The following MYO18A variants were observed in gnomAD, a reference collection of about 807,000 sequenced individuals.
MYO18A encodes unconventional myosin-XVIIIa.
In MYO18A, 78 loss-of-function variants were observed where a neutral mutation model predicts 235.8. The observed-to-expected ratio is 0.33, with a 90% CI of 0.28 to 0.40. The LOEUF (loss-of-function observed/expected upper bound fraction) is 0.40. MYO18A is among the 10% of genes least tolerant of loss of function. The pLI is 1.00. For missense variants in MYO18A, 2,215 were observed against 2,699.3 expected (o/e 0.82, Z 3.98); for synonymous variants, 977 against 1,077.8 (o/e 0.91, Z 1.83).
At position 29,136,235 on chromosome 17, in the gene MYO18A, GA is replaced by G. The variant is rs1181249964; in HGVS notation, c.1000-13983del. Among the ~76,000 whole-genome samples the G allele has an allele frequency of 6.5e-3, 684 of 105,278 alleles. 5 individuals are homozygous for G. The highest frequency in any genetic ancestry group is 0.02 in the Middle Eastern group (4 of 196). The allele number at this position is 105,278 out of a possible 152,430, so 69.1% of individuals were successfully genotyped here. A position where few individuals can be genotyped will look rare whatever the true frequency, so the allele number is the denominator to read the frequency against. On this transcript the variant is annotated intron_variant, in intron 2 of 41. Transcript: ENST00000527372. ...GACCGAGTGAGACCCCATCTCAAAAGAAAAAAAAAAAAAAAATATATATATA... is the reference window on the plus strand; with the variant it reads ...GACCGAGTGAGACCCCATCTCAAAAGAAAAAAAAAAAAAAATATATATATA...
At position 29,073,823 on chromosome 17, in the gene MYO18A, C is replaced by T; in HGVS notation, c.*947G>A. ...GTCTAATGAGCACCGGCCAAAACTT[C>T]CATCTTCAGTTTTTCTGATCACAAG... On this transcript the variant is annotated 3_prime_UTR_variant, in exon 42 of 42. Coordinates refer to ENST00000527372, the MANE Select transcript of MYO18A (RefSeq NM_078471.4). 6.4e-7 allele frequency: 1 copy of T among 1,558,390 alleles called. No individual in the cohort carries two copies. Among genetic ancestry groups the T allele is most frequent in the African/African-American group, 1.4e-5 (1 of 73,992 alleles).
At position 29,116,458 on chromosome 17, in the gene MYO18A, G is replaced by A. The variant is rs1478124325; in HGVS notation, c.2039-3C>T. 1.9e-6 allele frequency: 3 copies of A among 1,614,024 alleles called. No homozygotes were observed. Among genetic ancestry groups the A allele is most frequent in the South Asian group, 2.2e-5 (2 of 91,086 alleles). On this transcript the variant is annotated splice_region_variant and splice_polypyrimidine_tract_variant and intron_variant, in intron 10 of 41. Coordinates refer to ENST00000527372, the MANE Select transcript of MYO18A (RefSeq NM_078471.4). ...CAAGGTTTTACCTTCAGCAGCTTCT[G>A]TAAGGCAAAGGACCAGCATGCAGCA...
chr17:29,129,074 T>C (rs892152373), intron 2 of MYO18A: 1 of 1,289,186 alleles, frequency 7.8e-7, no homozygotes, highest in African/African-American at 1.5e-5. Context: ...CCTTGGTCCT[T>C]CCATCACCTG....
At chr17:29,160,525 A>T (rs1328267989) in intron 2 of MYO18A, among the ~76,000 whole-genome samples, 2 of 152,180 alleles carry the variant, frequency 1.3e-5, no homozygotes, top group Admixed American at 6.5e-5. Context: ...TTGTTTATTT[A>T]ATCCCCCAGT....
rs373625819 is a variant in MYO18A at position 29,085,540 on chromosome 17, C to T, written c.5897+64G>A. ...CGTGCAGCGGCCCCAGGGTGGGAGC[C>T]AGTGTTAGGGGTGGTTAGACACCCG... On this transcript the variant is annotated intron_variant, in intron 40 of 41. Transcript: ENST00000527372. 145 of 1,508,600 alleles carry T rather than the reference C, an allele frequency of 9.6e-5. 2 individuals carry two copies. The East Asian group carries it at 1.9e-3, about 20-fold the overall frequency. 93.5% of individuals were successfully genotyped at this position (1,508,600 alleles called of 1,614,324 possible).
chr17:29,095,116 G>C, intron 28 of MYO18A, 57 bp from the exon 29 acceptor site: 1 of 1,479,852 alleles, frequency 6.8e-7, no homozygotes, highest in Non-Finnish European at 9.0e-7. Context: ...CCCCCACACA[G>C]ACACTGTCAG....
intron 40 of MYO18A, among the ~76,000 whole-genome samples, chr17:29,083,522 G>GCACA (rs1555622320): frequency 0.12 from 15,404 of 124,824 alleles, 1,353 homozygotes; most frequent in East Asian, 0.32. Flanking sequence ...AGGCATGTGT[G>GCACA]CGCGCGCGCG....
At chr17:29,107,359 G>C (rs983165970) in intron 19 of MYO18A, 170 bp from the exon 20 acceptor site, 7 of 628,172 alleles carry the variant, frequency 1.1e-5, no homozygotes, top group Non-Finnish European at 2.0e-5. Flanking sequence ...GGTAGGCAGG[G>C]AAGAGGAAGA....
At position 29,094,938 on chromosome 17, in the gene MYO18A, C is replaced by T; in HGVS notation, c.4507G>A (p.Glu1503Lys). 1 of 1,610,236 alleles carries T rather than the reference C, an allele frequency of 6.2e-7. No homozygotes were observed. The highest frequency in any genetic ancestry group is 1.7e-5 in the Admixed American group (1 of 59,844). The change falls in exon 29 of 42, where the codon GAG (glutamate) becomes AAG (lysine). Residue 1503 changes from glutamate (E) to lysine (K), a missense_variant and splice_region_variant. Glu to Lys is a moderately conservative substitution (Grantham distance 56, BLOSUM62 1). Coordinates refer to ENST00000527372, the MANE Select transcript of MYO18A (RefSeq NM_078471.4). ...AEAFSLKQQLEEKDMDIAGFT... is the reference protein window; with the variant it reads ...AEAFSLKQQLKEKDMDIAGFT... ...AGATGGTGGGTGGCCCTACCCACCT[C>T]TAGTTGCTGCTTCAGGCTGAAAGCC... is the stretch of plus-strand genomic sequence containing the variant.
chr17:29,095,495 T>C (rs2066498783), intron 28 of MYO18A, among the ~76,000 whole-genome samples: 1 of 152,240 alleles, frequency 6.6e-6, no homozygotes, highest in African/African-American at 2.4e-5. Context: ...AGCTAGCTCC[T>C]TGCCCCTGCC....
chr17:29,090,052 A>G lies in MYO18A; in HGVS notation c.5435T>C (p.Val1812Ala), dbSNP rs1376745165. The change falls in exon 37 of 42, where the codon GTG (valine) becomes GCG (alanine). Residue 1812 changes from valine to alanine, a missense_variant. Physicochemically the swap from Val to Ala is moderately conservative, Grantham distance 64. Coordinates refer to ENST00000527372, the MANE Select transcript of MYO18A (RefSeq NM_078471.4). Reference sequence around the variant, plus strand: ...CTGCCTGCTCACCAGGGACTTGTCCACCATGGACTGCTCCAGGAACTCCAC... The same window carrying G: ...CTGCCTGCTCACCAGGGACTTGTCCGCCATGGACTGCTCCAGGAACTCCAC... ...SQVEFLEQSM[V>A]DKSLVSRQEA... is the part of the protein sequence containing the mutation. 3 of 1,613,690 alleles carry G rather than the reference A, an allele frequency of 1.9e-6. No homozygotes were observed. Among genetic ancestry groups the G allele is most frequent in the Non-Finnish European group, 2.5e-6 (3 of 1,179,792 alleles).
intron 41 of MYO18A, chr17:29,075,940 C>T (rs2065964380): frequency 6.5e-6 from 1 of 154,048 alleles, no homozygotes; most frequent in Admixed American, 6.5e-5. Flanking sequence ...AGCAGGAGTT[C>T]CATGTTCCCT....
At chr17:29,139,769 C>A (rs2067692608) in intron 2 of MYO18A, among the ~76,000 whole-genome samples, 1 of 152,092 alleles carries the variant, frequency 6.6e-6, no homozygotes, top group Non-Finnish European at 1.5e-5. Flanking sequence ...CATCTGTGCC[C>A]CTTGCAAGTG....
rs1457137015 is a variant in MYO18A, at chr17:29,074,811, C to A, written c.6124G>T (p.Asp2042Tyr). Residue 2042 changes from aspartate to tyrosine, a missense_variant, in exon 42 of 42, where the codon GAC becomes TAC. Asp to Tyr is a radical substitution (Grantham distance 160, BLOSUM62 -3). Coordinates refer to ENST00000527372, the MANE Select transcript of MYO18A (RefSeq NM_078471.4). This position sits in a 1 kb window ranked among gnomAD's most constrained non-coding sequence, Gnocchi z 4.4. ...GTCAGCTTGGCCTCTGTGTCGCTGT[C>A]ACTCAGATAACTGTGGGAGTATCGC... ...RPRYSHSYLS[D>Y]SDTEAKLTET... 1.2e-6 allele frequency: 2 copies of A among 1,613,954 alleles called. No individual in the cohort carries two copies. The highest frequency in any genetic ancestry group is 1.1e-5 in the South Asian group (1 of 91,068).
Position 29,115,692 on chromosome 17 carries a change from G to C in MYO18A, c.2199C>G (p.Pro733=), listed in dbSNP as rs28587908. The C allele has an allele frequency of 0.058, 93,502 of 1,605,778 alleles. 3,799 individuals are homozygous for C. The highest frequency in any genetic ancestry group is 0.16 in the South Asian group (13,945 of 89,514). ...TCCCATCTCCCAGGCCACTCTCCTCGGGGCCCTGGCGGAAGGAGGTGGAGC... is the reference window on the plus strand; with the variant it reads ...TCCCATCTCCCAGGCCACTCTCCTCCGGGCCCTGGCGGAAGGAGGTGGAGC... ...LQRSTSFRQG[P]EESGLGDGTG... Residue 733 remains proline, a synonymous_variant, in exon 12 of 42, where the codon CCC becomes CCG. Transcript: ENST00000527372.
chr17:29,130,477 CA>C (rs1668560577), intron 2 of MYO18A, among the ~76,000 whole-genome samples: 76 of 9,282 alleles, frequency 8.2e-3, no homozygotes, highest in Admixed American at 0.013. Flanking sequence ...GCCTCTCCCA[CA>C]CACACACACA....
chr17:29,164,637 G>C (rs1361005014), intron 2 of MYO18A, among the ~76,000 whole-genome samples: 1 of 152,158 alleles, frequency 6.6e-6, no homozygotes, highest in Non-Finnish European at 1.5e-5. Flanking sequence ...AAGCAGCAGG[G>C]GCCAGATCTG....
At chr17:29,119,209 C>A (rs2067140902) in intron 8 of MYO18A, 126 bp downstream of exon 8, 19 of 671,166 alleles carry the variant, frequency 2.8e-5, no homozygotes, top group South Asian at 2.6e-4. Flanking sequence ...ACATAGCAGA[C>A]ATGCACTGAC....
intron 41 of MYO18A, chr17:29,081,081 G>C (rs1390730728): frequency 1.2e-6 from 1 of 812,588 alleles, no homozygotes; most frequent in Non-Finnish European, 1.5e-6. Context: ...TTGAGAGAGA[G>C]AGAGGAACAA....
Sources: allele counts gnomAD v4.1 joint callset (sites outside exome capture counted in the v4.1 genomes callset), GRCh38; gene constraint gnomAD v4.1.1; non-coding constraint Gnocchi (gnomAD v3.1); transcripts MANE v1.5; gene names NCBI Gene and HGNC (gene_info 2026-07-23, HGNC 2026-07-21).